Variants in NKAIN3 observed in about 807,000 individuals in gnomAD.
NKAIN3 encodes the protein sodium/potassium transporting ATPase interacting 3, also known as sodium/potassium-transporting ATPase subunit beta-1-interacting protein 3.
Under a neutral mutation model 30.2 loss-of-function variants are expected in NKAIN3, and 25 were observed. The ratio of observed to expected loss-of-function variants is 0.83; its 90% CI spans 0.60 to 1.16. The LOEUF is 1.16. Among genes scored for constraint, NKAIN3 ranks in the 50% most tolerant of loss-of-function variants. The pLI is 0.00. For synonymous variants in NKAIN3, 91 were observed against 89.6 expected (o/e 1.02, Z -0.09); for missense variants, 225 against 254.1 (o/e 0.89, Z 0.78).
intron 5 of NKAIN3, among the ~76,000 whole-genome samples, chr8:62,995,721 G>T (rs533056982): frequency 2.6e-5 from 4 of 152,234 alleles, no homozygotes; most frequent in South Asian, 4.1e-4. Flanking sequence ...AATCAATTCA[G>T]AATTTATATG....
Position 62,945,060 on chromosome 8 carries a change from G to A in NKAIN3, c.533-8842G>A, listed in dbSNP as rs1166168933. On this transcript the variant is annotated intron_variant, in intron 5 of 6. Coordinates refer to ENST00000623646, the MANE Select transcript of NKAIN3 (RefSeq NM_001304533.3). ...TGCTTTGTACTAGACACTGTTCCAG[G>A]TTTGGGGGCTATAGCAGGGAGCAAA... 2.6e-5 allele frequency among the ~76,000 whole-genome samples: 4 copies of A among 152,094 alleles called. No individual in the cohort carries two copies. The South Asian group carries it at 8.3e-4, about 32-fold the overall frequency.
intron 4 of NKAIN3, among the ~76,000 whole-genome samples, chr8:62,779,959 A>G (rs1370810014): frequency 4.6e-5 from 7 of 152,156 alleles, no homozygotes; most frequent in Non-Finnish European, 4.4e-5. Flanking sequence ...AGATCAAAGC[A>G]GAACTAAATG....
chr8:62,828,287 A>G (rs1819087223), intron 4 of NKAIN3, among the ~76,000 whole-genome samples: 1 of 152,234 alleles, frequency 6.6e-6, no homozygotes, highest in South Asian at 2.1e-4. Context: ...ATTATCTGAG[A>G]CAGTTCTTTG....
intron 1 of NKAIN3, among the ~76,000 whole-genome samples, chr8:62,470,909 T>C (rs1806321540): frequency 6.6e-6 from 1 of 152,104 alleles, no homozygotes; most frequent in South Asian, 2.1e-4. Flanking sequence ...ATAGCATTGA[T>C]AGCATCCCAC....
At chr8:62,258,528 G>T (rs1370382178) in intron 1 of NKAIN3, among the ~76,000 whole-genome samples, 1 of 151,752 alleles carries the variant, frequency 6.6e-6, no homozygotes. Flanking sequence ...GTGGTGGTCT[G>T]TGCCTGTAGT....
At chr8:62,566,195 T>G (rs1809745032) in intron 1 of NKAIN3, among the ~76,000 whole-genome samples, 1 of 152,204 alleles carries the variant, frequency 6.6e-6, no homozygotes, top group African/African-American at 2.4e-5. Context: ...GGCTTGAGAA[T>G]AGTGTTCAAC....
intron 1 of NKAIN3, among the ~76,000 whole-genome samples, chr8:62,350,358 G>T (rs188513976): frequency 6.6e-6 from 1 of 152,220 alleles, no homozygotes; most frequent in East Asian, 1.9e-4. Flanking sequence ...AATGAAATAA[G>T]CCAGACACAA....
downstream of NKAIN3, among the ~76,000 whole-genome samples, chr8:62,987,648 C>A (rs1824231206): frequency 6.6e-6 from 1 of 151,880 alleles, no homozygotes; most frequent in Non-Finnish European, 1.5e-5. Context: ...CCCCATGATT[C>A]AATAACCTCC....
chr8:62,902,071 C>T (rs545781530), intron 4 of NKAIN3, among the ~76,000 whole-genome samples: 13 of 152,180 alleles, frequency 8.5e-5, no homozygotes, highest in Non-Finnish European at 1.8e-4. Flanking sequence ...AGCACAGCTG[C>T]TCTGCCATCC....
chr8:62,912,685 G>A (rs1004802554), intron 4 of NKAIN3, among the ~76,000 whole-genome samples: 4 of 152,036 alleles, frequency 2.6e-5, no homozygotes, highest in Admixed American at 6.6e-5. Flanking sequence ...TGAGGAGGAC[G>A]GATCACCTGA....
chr8:62,340,798 G>A (rs1205602786), intron 1 of NKAIN3, among the ~76,000 whole-genome samples: 2 of 151,938 alleles, frequency 1.3e-5, no homozygotes, highest in Non-Finnish European at 2.9e-5. Context: ...ACTTGGCTAC[G>A]CAGGCTTCCC....
intron 3 of NKAIN3, among the ~76,000 whole-genome samples, chr8:62,698,945 T>C (rs1003603392): frequency 6.6e-6 from 1 of 152,200 alleles, no homozygotes; most frequent in African/African-American, 2.4e-5. Flanking sequence ...CATATTTTTC[T>C]ATATTAAGAA....
At chr8:62,527,916 T>TGTGTGTGTGTGA (rs1430253083) in intron 1 of NKAIN3, among the ~76,000 whole-genome samples, 3 of 145,642 alleles carry the variant, frequency 2.1e-5, no homozygotes, top group African/African-American at 5.3e-5. Context: ...TGTGTGTGTG[T>TGTGTGTGTGTGA]GACAGAGAGA....
intron 1 of NKAIN3, among the ~76,000 whole-genome samples, chr8:62,492,293 T>C (rs1383211036): frequency 6.6e-6 from 1 of 152,124 alleles, no homozygotes; most frequent in Non-Finnish European, 1.5e-5. Flanking sequence ...AGGTATAATG[T>C]TGGAATTTGG....
intron 1 of NKAIN3, among the ~76,000 whole-genome samples, chr8:62,443,447 A>C (rs1170535360): frequency 6.6e-6 from 1 of 152,008 alleles, no homozygotes; most frequent in Non-Finnish European, 1.5e-5. Flanking sequence ...ACAGTGGCAC[A>C]ATCTCGGCTC....
At chr8:62,411,394 A>G (rs1804232783) in intron 1 of NKAIN3, among the ~76,000 whole-genome samples, 1 of 152,200 alleles carries the variant, frequency 6.6e-6, no homozygotes. Flanking sequence ...TTTAAGGAAC[A>G]TGCCTCAAAA....
At chr8:62,557,048 T>C (rs1485647558) in intron 1 of NKAIN3, among the ~76,000 whole-genome samples, 1 of 152,042 alleles carries the variant, frequency 6.6e-6, no homozygotes, top group Non-Finnish European at 1.5e-5. Context: ...ACCTGAGCAG[T>C]ATACACTGTA....
chr8:62,282,331 T>G (rs1380025517), intron 1 of NKAIN3, among the ~76,000 whole-genome samples: 1 of 152,180 alleles, frequency 6.6e-6, no homozygotes, highest in Non-Finnish European at 1.5e-5. Context: ...TGCACACCTC[T>G]GTGTGTCCCT....
At chr8:62,946,305 C>T (rs1436761793) in intron 5 of NKAIN3, among the ~76,000 whole-genome samples, 1 of 152,144 alleles carries the variant, frequency 6.6e-6, no homozygotes, top group Non-Finnish European at 1.5e-5. Context: ...GCCCAGCAGA[C>T]CCATCATGGT....
Sources: allele counts gnomAD v4.1 joint callset (sites outside exome capture counted in the v4.1 genomes callset), GRCh38; gene constraint gnomAD v4.1.1; transcripts MANE v1.5; gene names NCBI Gene and HGNC (gene_info 2026-07-23, HGNC 2026-07-21).